Variants in STXBP6 observed in about 807,000 individuals in gnomAD.
The protein encoded by STXBP6 is syntaxin binding protein 6, also known as syntaxin-binding protein 6.
Under a neutral mutation model 26.9 loss-of-function variants are expected in STXBP6, and 21 were observed. That is an observed-to-expected ratio of 0.78 (90% CI 0.55 to 1.12). The LOEUF (loss-of-function observed/expected upper bound fraction) is 1.12, where lower values mean the gene tolerates loss of function less well. Among genes scored for constraint, STXBP6 ranks in the 50% most tolerant of loss-of-function variants. The pLI is 0.00. For missense variants in STXBP6, 232 were observed against 257.9 expected (o/e 0.90, Z 0.69); for synonymous variants, 97 against 92.6 (o/e 1.05, Z -0.27).
intron 2 of STXBP6, among the ~76,000 whole-genome samples, chr14:24,922,789 A>G (rs2072026986): frequency 6.6e-6 from 1 of 152,136 alleles, no homozygotes; most frequent in Non-Finnish European, 1.5e-5. Context: ...TATGTACTTT[A>G]GATATTATAG....
intron 2 of STXBP6, among the ~76,000 whole-genome samples, chr14:24,948,971 G>A (rs915540687): frequency 6.6e-6 from 1 of 152,038 alleles, no homozygotes; most frequent in African/African-American, 2.4e-5. Context: ...TTTCTAATAC[G>A]TTGGTGCACA....
chr14:25,033,745 AG>A (rs2075502552), intron 1 of STXBP6, among the ~76,000 whole-genome samples: 1 of 152,220 alleles, frequency 6.6e-6, no homozygotes, highest in Non-Finnish European at 1.5e-5. Flanking sequence ...CACTTACAAC[AG>A]TTGTCATGTA....
At position 24,951,394 on chromosome 14, in the gene STXBP6, G is replaced by GCACATGTTGTTTCCA. The variant is rs1254163024; in HGVS notation, c.154+23270_154+23271insTGGAAACAACATGTG. Among the ~76,000 whole-genome samples the GCACATGTTGTTTCCA allele has an allele frequency of 8.0e-3, 238 of 29,914 alleles. 1 individual carries two copies. The highest frequency in any genetic ancestry group is 0.039 in the African/African-American group (215 of 5,508). 19.6% of individuals were successfully genotyped at this position (29,914 alleles called of 152,430 possible). On this transcript the variant is annotated intron_variant, in intron 2 of 5. Transcript: ENST00000323944. Reference sequence around the variant, plus strand: ...GTTCCTATTTCTCCACATCCTCTCCGGACTTTTTAATGAGCGTCATTCTAA... The same window carrying GCACATGTTGTTTCCA: ...GTTCCTATTTCTCCACATCCTCTCCGCACATGTTGTTTCCAGACTTTTTAATGAGCGTCATTCTAA...
chr14:25,012,845 A>G (rs149664997), intron 1 of STXBP6, among the ~76,000 whole-genome samples: 1 of 152,314 alleles, frequency 6.6e-6, no homozygotes, highest in Non-Finnish European at 1.5e-5. Context: ...AAACTCAAAG[A>G]CTATTAAGGT....
intron 4 of STXBP6, among the ~76,000 whole-genome samples, chr14:24,842,088 T>A (rs2068801009): frequency 6.6e-6 from 1 of 152,218 alleles, no homozygotes. Context: ...CTGAGGCTCT[T>A]GTTCTGGGTA....
intron 2 of STXBP6, among the ~76,000 whole-genome samples, chr14:24,868,841 T>G (rs1422974755): frequency 6.6e-6 from 1 of 152,186 alleles, no homozygotes; most frequent in Non-Finnish European, 1.5e-5. Context: ...TTCATTGCAG[T>G]TGACTCTCCA....
chr14:24,927,807 G>C (rs1208349303), intron 2 of STXBP6, among the ~76,000 whole-genome samples: 1 of 152,120 alleles, frequency 6.6e-6, no homozygotes. Flanking sequence ...AGTGGGTTAT[G>C]TTAACCTTTA....
intron 1 of STXBP6, among the ~76,000 whole-genome samples, chr14:25,018,094 G>A (rs145370976): frequency 6.6e-6 from 1 of 152,234 alleles, no homozygotes; most frequent in East Asian, 1.9e-4. Context: ...CCTGATCTTT[G>A]TATGTCTTCC....
chr14:24,836,212 A>G (rs1470093587), intron 4 of STXBP6, among the ~76,000 whole-genome samples: 2 of 152,258 alleles, frequency 1.3e-5, no homozygotes, highest in Non-Finnish European at 1.5e-5. Context: ...CAGTACAGAA[A>G]GAGACTTTGT....
chr14:25,012,276 T>C (rs1236306199), intron 1 of STXBP6, among the ~76,000 whole-genome samples: 1 of 152,216 alleles, frequency 6.6e-6, no homozygotes, highest in Admixed American at 6.5e-5. Flanking sequence ...TTTACACTCT[T>C]AGAAATTATT....
chr14:24,818,894 G>A, intron 5 of STXBP6, 143 bp downstream of exon 5: 1 of 1,130,922 alleles, frequency 8.8e-7, no homozygotes, highest in Non-Finnish European at 1.2e-6. Context: ...CAGGTGTTTA[G>A]TAAGTAGCAG....
chr14:25,007,803 T>C (rs1418987106), intron 1 of STXBP6, among the ~76,000 whole-genome samples: 4 of 152,342 alleles, frequency 2.6e-5, no homozygotes, highest in South Asian at 4.1e-4. Flanking sequence ...CACATTCTTT[T>C]GAACATCTCA....
chr14:24,958,366 C>A (rs947385662), intron 2 of STXBP6, among the ~76,000 whole-genome samples: 1 of 152,202 alleles, frequency 6.6e-6, no homozygotes, highest in African/African-American at 2.4e-5. Context: ...CAAAACTCTC[C>A]CCCTGCTTGT....
At chr14:24,857,196 G>T (rs1251939303) in intron 2 of STXBP6, 39 bp from the exon 3 acceptor site, 3 of 1,611,162 alleles carry the variant, frequency 1.9e-6, no homozygotes, top group Admixed American at 3.3e-5. Context: ...GCACCTGCAA[G>T]TTGGTGGTTT....
At chr14:24,866,347 T>C (rs997626688) in intron 2 of STXBP6, among the ~76,000 whole-genome samples, 1 of 152,136 alleles carries the variant, frequency 6.6e-6, no homozygotes, top group Admixed American at 6.5e-5. Flanking sequence ...ATCTCTTTTA[T>C]ATATATGTGT....
intron 2 of STXBP6, among the ~76,000 whole-genome samples, chr14:24,973,432 C>A (rs1276849113): frequency 3.0e-5 from 4 of 132,492 alleles, no homozygotes; most frequent in Non-Finnish European, 6.1e-5. Context: ...GTCAGCCAGG[C>A]TGGAGTGCAG....
intron 1 of STXBP6, among the ~76,000 whole-genome samples, chr14:25,010,857 T>C (rs1452859791): frequency 6.6e-6 from 1 of 152,138 alleles, no homozygotes; most frequent in Non-Finnish European, 1.5e-5. Context: ...CCAATGGTGG[T>C]GGTGTGGAGT....
At chr14:24,961,999 G>C (rs946955819) in intron 2 of STXBP6, among the ~76,000 whole-genome samples, 1 of 152,104 alleles carries the variant, frequency 6.6e-6, no homozygotes, top group African/African-American at 2.4e-5. Context: ...GCAGATGTCT[G>C]ATGGATTCCT....
At chr14:24,917,337 G>A (rs995826948) in intron 2 of STXBP6, among the ~76,000 whole-genome samples, 3 of 151,990 alleles carry the variant, frequency 2.0e-5, no homozygotes, top group Non-Finnish European at 4.4e-5. Context: ...TATTGGCAAC[G>A]CACGTGGGGA....
Sources: gnomAD v4.1 joint callset for allele counts (sites outside exome capture counted in the v4.1 genomes callset) on GRCh38, gnomAD v4.1.1 for gene constraint, MANE v1.5 for transcripts, NCBI Gene and HGNC (gene_info 2026-07-23, HGNC 2026-07-21) for gene names.